The following CSMD3 variants were observed in gnomAD, a reference collection of about 807,000 sequenced individuals.
The protein encoded by CSMD3 is CUB and sushi domain-containing protein 3.
Under a neutral mutation model 435.2 loss-of-function variants are expected in CSMD3, and 177 were observed. The ratio of observed to expected loss-of-function variants is 0.41; its 90% CI spans 0.36 to 0.46. CSMD3 has a LOEUF of 0.46. CSMD3 is among the 20% of genes least tolerant of loss of function. The pLI is 0.34. For synonymous variants in CSMD3, 1,656 were observed against 1,520.5 expected (o/e 1.09, Z -2.07); for missense variants, 4,265 against 4,504.6 (o/e 0.95, Z 1.52).
intron 10 of CSMD3, among the ~76,000 whole-genome samples, chr8:112,875,194 T>C (rs947520187): frequency 3.3e-5 from 5 of 152,156 alleles, no homozygotes; most frequent in African/African-American, 1.2e-4. Context: ...TTTGGCTGGA[T>C]ATGAAATTCT....
chr8:112,602,049 A>G (rs1832397311), intron 22 of CSMD3, among the ~76,000 whole-genome samples: 2 of 152,108 alleles, frequency 1.3e-5, no homozygotes. Flanking sequence ...TTCTTCTATT[A>G]CTTTAGAGTG....
At chr8:112,820,207 T>C (rs1053319749) in intron 12 of CSMD3, among the ~76,000 whole-genome samples, 17 of 152,002 alleles carry the variant, frequency 1.1e-4, no homozygotes, top group Admixed American at 8.5e-4. Flanking sequence ...ACAAAACCAA[T>C]AATAAAAAAT....
chr8:112,238,175 C>A (rs1217803810), intron 66 of CSMD3, among the ~76,000 whole-genome samples: 1 of 151,860 alleles, frequency 6.6e-6, no homozygotes, highest in Non-Finnish European at 1.5e-5. Context: ...TAATCCTATA[C>A]CTCACAGCAC....
intron 35 of CSMD3, among the ~76,000 whole-genome samples, chr8:112,401,157 C>T (rs771263261): frequency 3.9e-5 from 6 of 151,954 alleles, no homozygotes; most frequent in East Asian, 1.9e-4. Flanking sequence ...TGCAGGAGAT[C>T]GCACCACTGC....
chr8:112,491,599 G>C (rs1025919015), intron 31 of CSMD3, among the ~76,000 whole-genome samples: 1 of 152,082 alleles, frequency 6.6e-6, no homozygotes, highest in Admixed American at 6.6e-5. Context: ...CAGTGAGCCC[G>C]GATCACGCCA....
intron 40 of CSMD3, among the ~76,000 whole-genome samples, chr8:112,347,050 A>G (rs1423453812): frequency 1.3e-5 from 2 of 152,112 alleles, no homozygotes; most frequent in Non-Finnish European, 2.9e-5. Context: ...GCCTTATTTT[A>G]TCCTAAAAGA....
chr8:113,142,545 G>A (rs774145833), intron 4 of CSMD3, among the ~76,000 whole-genome samples: 30 of 151,086 alleles, frequency 2.0e-4, no homozygotes, highest in Non-Finnish European at 3.9e-4. Context: ...AACAAATGGT[G>A]CTAGAGCAAC....
chr8:112,477,860 A>G (rs900887816), intron 31 of CSMD3, among the ~76,000 whole-genome samples: 1 of 152,194 alleles, frequency 6.6e-6, no homozygotes, highest in Non-Finnish European at 1.5e-5. Flanking sequence ...ATTCCTATCA[A>G]GCTGATATGG....
intron 10 of CSMD3, among the ~76,000 whole-genome samples, chr8:112,897,711 TG>T (rs2081991903): frequency 6.6e-6 from 1 of 150,462 alleles, no homozygotes; most frequent in Non-Finnish European, 1.5e-5. Context: ...TGTGTGTGTG[TG>T]TGTGTGTGTG....
chr8:113,174,503 G>GT (rs1393172068), intron 3 of CSMD3, among the ~76,000 whole-genome samples: 4 of 151,974 alleles, frequency 2.6e-5, no homozygotes, highest in Non-Finnish European at 4.4e-5. Context: ...GCAAACAGTT[G>GT]TAACATTTTA....
intron 14 of CSMD3, 52 bp from the exon 15 acceptor site, chr8:112,685,784 T>A (rs578015177): frequency 5.3e-6 from 6 of 1,121,790 alleles, no homozygotes; most frequent in Non-Finnish European, 6.7e-6. Flanking sequence ...AAATAATATT[T>A]CATCTTATTT....
At chr8:112,879,867 C>A (rs890864994) in intron 10 of CSMD3, among the ~76,000 whole-genome samples, 2 of 151,774 alleles carry the variant, frequency 1.3e-5, no homozygotes, top group African/African-American at 4.8e-5. Context: ...GAGAGTTGAA[C>A]AATGAGAATA....
intron 58 of CSMD3, among the ~76,000 whole-genome samples, chr8:112,286,207 T>C (rs1291174277): frequency 6.6e-6 from 1 of 152,182 alleles, no homozygotes; most frequent in African/African-American, 2.4e-5. Context: ...ATTGAGGTTA[T>C]GTTAGGGTAA....
chr8:113,258,420 G>T (rs2093401430), intron 3 of CSMD3, among the ~76,000 whole-genome samples: 1 of 152,108 alleles, frequency 6.6e-6, no homozygotes, highest in Non-Finnish European at 1.5e-5. Context: ...TGTTTAGCGG[G>T]ACATATTAAC....
At chr8:113,404,013 T>C (rs970782768) in intron 1 of CSMD3, among the ~76,000 whole-genome samples, 1 of 151,446 alleles carries the variant, frequency 6.6e-6, no homozygotes, top group African/African-American at 2.4e-5. Context: ...GAAACATTAA[T>C]AACTTCCTTG....
At chr8:113,062,541 T>C (rs2088660880) in intron 5 of CSMD3, among the ~76,000 whole-genome samples, 1 of 151,880 alleles carries the variant, frequency 6.6e-6, no homozygotes, top group African/African-American at 2.4e-5. Flanking sequence ...ATTACTAATA[T>C]ATAAATGTGT....
intron 22 of CSMD3, among the ~76,000 whole-genome samples, chr8:112,621,014 A>G (rs1039833660): frequency 2.0e-5 from 3 of 152,102 alleles, no homozygotes. Flanking sequence ...AGGTGGGCGG[A>G]TCACCTGAGG....
rs2079739010 is a variant in CSMD3 at position 112,827,680 on chromosome 8, C to T, written c.1859+2006G>A. 2.0e-5 allele frequency among the ~76,000 whole-genome samples: 3 copies of T among 152,236 alleles called. No individual in the cohort carries two copies. The South Asian group carries it at 6.2e-4, about 32-fold the overall frequency. Reference sequence around the variant, plus strand: ...TATGAGTGTCAGGTAAAGAAACAAACATATTCACTTGCAAAACAATGAATA... The same window carrying T: ...TATGAGTGTCAGGTAAAGAAACAAATATATTCACTTGCAAAACAATGAATA... On this transcript the variant is annotated intron_variant, in intron 12 of 70. Transcript: ENST00000297405.
intron 14 of CSMD3, among the ~76,000 whole-genome samples, chr8:112,688,660 G>T (rs560917745): frequency 6.6e-6 from 1 of 151,894 alleles, no homozygotes; most frequent in Admixed American, 6.6e-5. Flanking sequence ...TTATTTATTT[G>T]TATTTTATAA....
Sources: allele counts gnomAD v4.1 joint callset (sites outside exome capture counted in the v4.1 genomes callset), GRCh38; gene constraint gnomAD v4.1.1; transcripts MANE v1.5; gene names NCBI Gene and HGNC (gene_info 2026-07-23, HGNC 2026-07-21).